The following USP45 variants were observed in gnomAD, a reference collection of about 807,000 sequenced individuals.
The protein encoded by USP45 is ubiquitin carboxyl-terminal hydrolase 45.
USP45 carries 89 observed loss-of-function variants against 95.8 expected under a neutral mutation model. That is an observed-to-expected ratio of 0.93 (90% confidence interval 0.78 to 1.11). The LOEUF is 1.11. USP45 is among the 50% of genes least tolerant of loss of function. The probability of loss-of-function intolerance (pLI) is 0.00; values close to 1 mark genes in which losing one functional copy is unlikely to be tolerated. For missense variants in USP45, 898 were observed against 942.5 expected (o/e 0.95, Z 0.62); for synonymous variants, 281 against 316.2 (o/e 0.89, Z 1.18).
At chr6:99,438,527 AG>A in intron 16 of USP45, among the ~76,000 whole-genome samples, 1 of 152,342 alleles carries the variant, frequency 6.6e-6, no homozygotes, top group East Asian at 1.9e-4. Flanking sequence ...AAATTTTAAA[AG>A]AAATTCCAAA....
chr6:99,448,652 T>C (rs1363133954), intron 13 of USP45, among the ~76,000 whole-genome samples: 1 of 152,090 alleles, frequency 6.6e-6, no homozygotes, highest in Non-Finnish European at 1.5e-5. Flanking sequence ...CAGGCCAACA[T>C]GCAAATTCAG....
intron 5 of USP45, among the ~76,000 whole-genome samples, chr6:99,497,123 T>C (rs924112742): frequency 6.6e-6 from 1 of 152,194 alleles, no homozygotes; most frequent in Non-Finnish European, 1.5e-5. Flanking sequence ...CCACTGATTT[T>C]TTTTTTACTG....
chr6:99,505,466 G>A (rs1373179880), intron 4 of USP45, among the ~76,000 whole-genome samples: 1 of 151,890 alleles, frequency 6.6e-6, no homozygotes, highest in Non-Finnish European at 1.5e-5. Flanking sequence ...GGGAGTTCGA[G>A]ACTGGCCTGG....
intron 13 of USP45, chr6:99,460,702 T>G: frequency 1.2e-6 from 1 of 804,940 alleles, no homozygotes; most frequent in Non-Finnish European, 1.5e-6. Context: ...GGTAAAATAA[T>G]AGAAAGATTG....
At chr6:99,451,565 T>C (rs879380670) in intron 13 of USP45, among the ~76,000 whole-genome samples, 22 of 152,230 alleles carry the variant, frequency 1.4e-4, no homozygotes, top group Non-Finnish European at 2.9e-4. Context: ...TCCATACTCA[T>C]GGATAGGCAG....
chr6:99,448,548 A>G (rs1783065032), intron 13 of USP45, among the ~76,000 whole-genome samples: 1 of 152,234 alleles, frequency 6.6e-6, no homozygotes, highest in Non-Finnish European at 1.5e-5. Context: ...GAAAAGACCA[A>G]ATCTATGTCT....
intron 9 of USP45, among the ~76,000 whole-genome samples, chr6:99,469,112 G>A (rs1358939764): frequency 2.6e-5 from 4 of 152,008 alleles, no homozygotes; most frequent in African/African-American, 9.7e-5. Flanking sequence ...TATAACTAAA[G>A]TCCAAATTTA....
At chr6:99,449,847 A>C (rs1416718625) in intron 13 of USP45, among the ~76,000 whole-genome samples, 1 of 152,254 alleles carries the variant, frequency 6.6e-6, no homozygotes, top group Non-Finnish European at 1.5e-5. Context: ...ACCACAGTGC[A>C]ATCAAACTAG....
intron 8 of USP45, 146 bp downstream of exon 8, chr6:99,482,607 G>C: frequency 1.4e-6 from 1 of 694,918 alleles, no homozygotes; most frequent in Non-Finnish European, 2.2e-6. Context: ...TTTTCATAAA[G>C]CATAGAGCTG....
chr6:99,490,470 G>A (rs956973429), intron 5 of USP45, among the ~76,000 whole-genome samples: 10 of 151,784 alleles, frequency 6.6e-5, no homozygotes, highest in African/African-American at 1.5e-4. Flanking sequence ...GTGAGCCACC[G>A]TAGCCAGCCA....
intron 7 of USP45, among the ~76,000 whole-genome samples, chr6:99,484,004 G>GCTTTTT (rs1554246518): frequency 1.1e-5 from 1 of 91,464 alleles, no homozygotes; most frequent in Non-Finnish European, 1.9e-5. Flanking sequence ...ATTTTCCATA[G>GCTTTTT]TTTTTTTTTT....
intron 5 of USP45, among the ~76,000 whole-genome samples, chr6:99,498,229 GAATA>G (rs1445907576): frequency 1.3e-5 from 2 of 152,114 alleles, no homozygotes; most frequent in African/African-American, 2.4e-5. Flanking sequence ...TTAAAAGACT[GAATA>G]AATAATTTTG....
chr6:99,475,796 A>G (rs1170595359), intron 9 of USP45, among the ~76,000 whole-genome samples: 2 of 135,882 alleles, frequency 1.5e-5, no homozygotes, highest in Non-Finnish European at 3.1e-5. Context: ...TTAAATTGTA[A>G]TAGAAATTAC....
At chr6:99,462,706 G>C (rs148116847) in intron 13 of USP45, 20 of 987,352 alleles carry the variant, frequency 2.0e-5, no homozygotes, top group Non-Finnish European at 2.4e-5. Flanking sequence ...CAGGCCCAGC[G>C]CTGTGGCTCA....
intron 13 of USP45, among the ~76,000 whole-genome samples, chr6:99,457,074 C>T (rs1319794613): frequency 1.3e-5 from 2 of 152,176 alleles, no homozygotes; most frequent in Admixed American, 6.5e-5. Flanking sequence ...AGGGAAAATA[C>T]CCACCTAATA....
intron 5 of USP45, chr6:99,502,094 A>G: frequency 8.3e-7 from 1 of 1,200,998 alleles, no homozygotes; most frequent in Non-Finnish European, 1.1e-6. Flanking sequence ...TCAATCAATC[A>G]TGCCTACACA....
rs1445633043 is a variant in USP45 at position 99,446,233 on chromosome 6, A to G, written c.1539T>C (p.Ala513=). 1 of 1,614,192 alleles carries G rather than the reference A, an allele frequency of 6.2e-7. No individual in the cohort carries two copies. The highest frequency in any genetic ancestry group is 8.5e-7 in the Non-Finnish European group (1 of 1,180,034). Residue 513 remains alanine (A), a synonymous_variant, in exon 14 of 18, where the codon GCT becomes GCC. Coordinates refer to ENST00000500704, the MANE Select transcript of USP45 (RefSeq NM_001346022.3). ...ADSEPSESES[A]SKQTGLFRSS... ...ATCTGAACAGCCCAGTCTGCTTTGA[A>G]GCACTTTCAGATTCTGAAGGCTCAC...
intron 5 of USP45, among the ~76,000 whole-genome samples, chr6:99,496,594 T>C (rs1454959327): frequency 6.6e-6 from 1 of 152,154 alleles, no homozygotes; most frequent in African/African-American, 2.4e-5. Flanking sequence ...GAAAAGAACA[T>C]GGGATTGTCA....
intron 7 of USP45, among the ~76,000 whole-genome samples, chr6:99,485,509 C>T (rs978974284): frequency 2.0e-5 from 3 of 151,836 alleles, no homozygotes; most frequent in Non-Finnish European, 4.4e-5. Context: ...TTAAAACAGG[C>T]AAAACTAATC....
Sources: gnomAD v4.1 joint callset for allele counts (sites outside exome capture counted in the v4.1 genomes callset) on GRCh38, gnomAD v4.1.1 for gene constraint, MANE v1.5 for transcripts, NCBI Gene and HGNC (gene_info 2026-07-23, HGNC 2026-07-21) for gene names.